Variants in NELL1 observed in about 807,000 individuals in gnomAD.
The protein encoded by NELL1 is neural EGFL like 1, also known as protein kinase C-binding protein NELL1.
Under a neutral mutation model 107.4 loss-of-function variants are expected in NELL1, and 76 were observed. The ratio of observed to expected loss-of-function variants is 0.71; its 90% CI spans 0.59 to 0.86. NELL1 has a LOEUF of 0.86. Ranked by LOEUF, NELL1 falls within the 40% of genes least tolerant of loss-of-function variation. The pLI is 0.00. For synonymous variants in NELL1, 353 were observed against 341.2 expected (o/e 1.03, Z -0.38); for missense variants, 1,024 against 1,005.5 (o/e 1.02, Z -0.25).
intron 4 of NELL1, among the ~76,000 whole-genome samples, chr11:20,864,062 A>C (rs1378082008): frequency 2.0e-5 from 3 of 152,094 alleles, no homozygotes; most frequent in African/African-American, 7.2e-5. Flanking sequence ...GCAGCAGCAC[A>C]GCCCAGCCTC....
Position 20,788,057 on chromosome 11 carries a change from A to C in NELL1, c.335+4227A>C, listed in dbSNP as rs372673004. Among the ~76,000 whole-genome samples, 23 of 152,348 alleles carry C rather than the reference A, an allele frequency of 1.5e-4. No individual in the cohort carries two copies. The East Asian group carries it at 4.2e-3, about 28-fold the overall frequency. On this transcript the variant is annotated intron_variant, in intron 3 of 19. Transcript: ENST00000357134. ...TCAGTAGTTCACTTCTTTTTATTGC[A>C]GAATAATGTTACATTGTTTGGATAT...
intron 13 of NELL1, among the ~76,000 whole-genome samples, chr11:21,189,943 G>T (rs1479019436): frequency 6.6e-6 from 1 of 151,818 alleles, no homozygotes; most frequent in Non-Finnish European, 1.5e-5. Context: ...TGTGGATTGT[G>T]GAAAGACATT....
At chr11:21,365,296 C>A (rs952234039) in intron 14 of NELL1, among the ~76,000 whole-genome samples, 5 of 152,152 alleles carry the variant, frequency 3.3e-5, no homozygotes, top group African/African-American at 1.2e-4. Context: ...GGTGGTAGAG[C>A]CCTAAACGGA....
At chr11:21,130,619 T>C (rs1855594193) in intron 13 of NELL1, among the ~76,000 whole-genome samples, 1 of 152,226 alleles carries the variant, frequency 6.6e-6, no homozygotes, top group African/African-American at 2.4e-5. Context: ...TTTTTCTTTC[T>C]TGTTACATCT....
intron 2 of NELL1, among the ~76,000 whole-genome samples, chr11:20,706,162 CT>C (rs1380164976): frequency 6.6e-6 from 1 of 152,170 alleles, no homozygotes; most frequent in Non-Finnish European, 1.5e-5. Flanking sequence ...CATCCCATTA[CT>C]GGGTTATATA....
intron 2 of NELL1, among the ~76,000 whole-genome samples, chr11:20,741,559 C>T (rs77478412): frequency 0.016 from 2,382 of 152,304 alleles, 27 homozygotes; most frequent in South Asian, 0.028. Flanking sequence ...TGTCAAGCCA[C>T]CAAGAACATC....
intron 15 of NELL1, among the ~76,000 whole-genome samples, chr11:21,510,488 T>C (rs1855408385): frequency 6.6e-6 from 1 of 152,178 alleles, no homozygotes; most frequent in South Asian, 2.1e-4. Context: ...ATTCTCCGGT[T>C]GGGCTGAAAA....
intron 2 of NELL1, among the ~76,000 whole-genome samples, chr11:20,705,286 A>G (rs142963009): frequency 1.3e-5 from 2 of 152,008 alleles, no homozygotes; most frequent in East Asian, 3.8e-4. Context: ...TACAGTAACC[A>G]AAACAGCATG....
chr11:21,465,901 T>G (rs1372558300), intron 15 of NELL1, among the ~76,000 whole-genome samples: 1 of 152,080 alleles, frequency 6.6e-6, no homozygotes, highest in African/African-American at 2.4e-5. Context: ...AGAGAAGTAT[T>G]TCTTATGCGT....
chr11:20,675,393 C>A (rs1197261714), intron 1 of NELL1, among the ~76,000 whole-genome samples: 2 of 152,208 alleles, frequency 1.3e-5, no homozygotes, highest in African/African-American at 4.8e-5. Context: ...TCATCTCATA[C>A]TATCCCCAGA....
intron 15 of NELL1, among the ~76,000 whole-genome samples, chr11:21,411,774 G>A (rs1852383196): frequency 6.6e-6 from 1 of 151,986 alleles, no homozygotes; most frequent in African/African-American, 2.4e-5. Context: ...TGAGGTGAAT[G>A]ATTCAGTAGA....
At chr11:20,813,357 A>G (rs1245369328) in intron 3 of NELL1, among the ~76,000 whole-genome samples, 5 of 152,218 alleles carry the variant, frequency 3.3e-5, no homozygotes, top group Non-Finnish European at 4.4e-5. Context: ...AGGACAATAC[A>G]TTATCCTAGA....
At chr11:21,262,501 G>A (rs1426100713) in intron 14 of NELL1, 1 of 151,848 alleles carries the variant, frequency 6.6e-6, no homozygotes, top group Non-Finnish European at 1.5e-5. Context: ...TCTGGCACAT[G>A]GCAAACAAAA....
rs567324658 is a variant in NELL1 at position 21,092,696 on chromosome 11, A to G, written c.1301-20893A>G. Reference sequence around the variant, plus strand: ...CAAAATAGCCATTTGTAGAAAAGGAAACAGACAAAATGAATGTGTGCAATG... The same window carrying G: ...CAAAATAGCCATTTGTAGAAAAGGAGACAGACAAAATGAATGTGTGCAATG... On this transcript the variant is annotated intron_variant, in intron 12 of 19. Coordinates refer to ENST00000357134, the MANE Select transcript of NELL1 (RefSeq NM_006157.5). 3.9e-5 allele frequency among the ~76,000 whole-genome samples: 6 copies of G among 152,294 alleles called. No individual in the cohort carries two copies. The South Asian group carries it at 1.2e-3, about 32-fold the overall frequency.
At chr11:21,503,841 G>A (rs1261688722) in intron 15 of NELL1, among the ~76,000 whole-genome samples, 1 of 151,740 alleles carries the variant, frequency 6.6e-6, no homozygotes. Flanking sequence ...CTGTTTCATA[G>A]CTGCAACACT....
chr11:21,244,269 A>G (rs1388500453), intron 14 of NELL1, among the ~76,000 whole-genome samples: 1 of 152,174 alleles, frequency 6.6e-6, no homozygotes, highest in Non-Finnish European at 1.5e-5. Flanking sequence ...GAGAGCAGAC[A>G]TAATGATTTT....
chr11:21,097,581 C>T (rs971532755), intron 12 of NELL1, among the ~76,000 whole-genome samples: 10 of 151,834 alleles, frequency 6.6e-5, no homozygotes, highest in East Asian at 1.9e-4. Context: ...TGTGCAATTT[C>T]GGGGGAACAA....
chr11:21,200,994 C>T (rs1857257010), intron 13 of NELL1, among the ~76,000 whole-genome samples: 1 of 152,122 alleles, frequency 6.6e-6, no homozygotes, highest in African/African-American at 2.4e-5. Context: ...GTCTATATAT[C>T]TGTTTTGGTA....
chr11:21,348,284 C>A (rs1307608244), intron 14 of NELL1, among the ~76,000 whole-genome samples: 1 of 152,066 alleles, frequency 6.6e-6, no homozygotes, highest in Non-Finnish European at 1.5e-5. Context: ...TATATTAGAA[C>A]AAAGAATGTT....
Sources: gnomAD v4.1 joint callset for allele counts (sites outside exome capture counted in the v4.1 genomes callset) on GRCh38, gnomAD v4.1.1 for gene constraint, MANE v1.5 for transcripts, NCBI Gene and HGNC (gene_info 2026-07-23, HGNC 2026-07-21) for gene names.